Variants in STXBP4 observed in about 807,000 individuals in gnomAD.
STXBP4 encodes the protein syntaxin binding protein 4.
A neutral mutation model predicts 76.1 loss-of-function variants in STXBP4; 55 were observed. The ratio of observed to expected loss-of-function variants is 0.72; its 90% CI spans 0.58 to 0.91. The LOEUF (loss-of-function observed/expected upper bound fraction) is 0.91, where lower values mean the gene tolerates loss of function less well. Ranked by LOEUF, STXBP4 falls within the 40% of genes least tolerant of loss-of-function variation. STXBP4 has a pLI of 0.00. For missense variants in STXBP4, 618 were observed against 636.9 expected (o/e 0.97, Z 0.32); for synonymous variants, 201 against 220.2 (o/e 0.91, Z 0.77).
At chr17:54,980,781 C>T (rs909087373) in intron 1 of STXBP4, among the ~76,000 whole-genome samples, 1 of 152,242 alleles carries the variant, frequency 6.6e-6, no homozygotes, top group Non-Finnish European at 1.5e-5. Flanking sequence ...ACCCTATTCT[C>T]CTGCCTCACA....
chr17:55,080,746 C>G (rs537491841), intron 15 of STXBP4, among the ~76,000 whole-genome samples: 105 of 151,946 alleles, frequency 6.9e-4, no homozygotes, highest in African/African-American at 2.4e-3. Context: ...ATCATGTTAG[C>G]AAAAGAGAAG....
chr17:55,106,063 G>A (rs2079631094), intron 16 of STXBP4, among the ~76,000 whole-genome samples: 1 of 152,106 alleles, frequency 6.6e-6, no homozygotes, highest in African/African-American at 2.4e-5. Context: ...GGATGTTAAA[G>A]TCTCCCACTG....
intron 10 of STXBP4, among the ~76,000 whole-genome samples, chr17:55,040,781 C>T (rs1396440600): frequency 1.3e-5 from 2 of 152,120 alleles, no homozygotes; most frequent in African/African-American, 4.8e-5. Context: ...GAGAACCAGA[C>T]AGGAAACAGA....
At chr17:55,142,123 C>T (rs34502259) in intron 17 of STXBP4, among the ~76,000 whole-genome samples, 2 of 152,194 alleles carry the variant, frequency 1.3e-5, no homozygotes, top group African/African-American at 2.4e-5. Flanking sequence ...ACTATCTGCA[C>T]TAGACTGTCA....
chr17:55,156,389 T>C (rs1191626203), intron 17 of STXBP4, among the ~76,000 whole-genome samples: 1 of 152,298 alleles, frequency 6.6e-6, no homozygotes, highest in East Asian at 1.9e-4. Flanking sequence ...CAAAGCTCTT[T>C]AGCCACAGTG....
At chr17:55,012,427 A>C (rs2078132074) in intron 8 of STXBP4, among the ~76,000 whole-genome samples, 1 of 152,074 alleles carries the variant, frequency 6.6e-6, no homozygotes, top group Admixed American at 6.6e-5. Context: ...TCTGCTTGGC[A>C]GTTCCCTTCT....
At chr17:55,196,235 A>G in the STXBP4 span, among the ~76,000 whole-genome samples, 7 of 152,030 alleles carry the variant, frequency 4.6e-5, no homozygotes, top group African/African-American at 1.5e-4. Flanking sequence ...CTCCCCTGCA[A>G]TGGCTCTCCA....
intron 4 of STXBP4, among the ~76,000 whole-genome samples, chr17:54,995,802 T>C (rs989192930): frequency 6.6e-6 from 1 of 152,234 alleles, no homozygotes; most frequent in Non-Finnish European, 1.5e-5. Flanking sequence ...AGTGTCACTC[T>C]CTTTATTCCT....
intron 11 of STXBP4, among the ~76,000 whole-genome samples, chr17:55,045,748 A>G (rs1567735904): frequency 6.6e-6 from 1 of 152,084 alleles, no homozygotes; most frequent in South Asian, 2.1e-4. Context: ...TTCCAGATAA[A>G]ACAAATTTTA....
At chr17:55,118,117 T>C (rs244352) in intron 16 of STXBP4, among the ~76,000 whole-genome samples, 98,656 of 151,760 alleles carry the variant, frequency 0.65, 33,162 homozygotes, top group African/African-American at 0.83. Context: ...GAAACAGACA[T>C]GATCCCTACC....
chr17:55,085,102 A>G (rs77957268), intron 16 of STXBP4, among the ~76,000 whole-genome samples: 1 of 152,086 alleles, frequency 6.6e-6, no homozygotes, highest in Non-Finnish European at 1.5e-5. Flanking sequence ...GTAAACTATC[A>G]CAAGAACAAA....
At chr17:55,102,110 T>C (rs971252348) in intron 16 of STXBP4, among the ~76,000 whole-genome samples, 1 of 152,126 alleles carries the variant, frequency 6.6e-6, no homozygotes, top group Non-Finnish European at 1.5e-5. Context: ...ATCTCGTTAC[T>C]AGCAATTTGT....
At chr17:55,089,232 A>G (rs1567756552) in intron 16 of STXBP4, among the ~76,000 whole-genome samples, 1 of 152,158 alleles carries the variant, frequency 6.6e-6, no homozygotes, top group East Asian at 1.9e-4. Flanking sequence ...TGCCATGACT[A>G]CTGCTGGTGC....
At chr17:55,067,360 A>G (rs990327328) in intron 12 of STXBP4, among the ~76,000 whole-genome samples, 11 of 152,210 alleles carry the variant, frequency 7.2e-5, no homozygotes, top group African/African-American at 2.7e-4. Flanking sequence ...AAAAACAGAT[A>G]AGGTGAAATC....
intron 1 of STXBP4, among the ~76,000 whole-genome samples, chr17:54,977,719 T>C (rs1313979834): frequency 2.0e-5 from 3 of 152,226 alleles, no homozygotes; most frequent in Non-Finnish European, 4.4e-5. Flanking sequence ...CTTAGGATTA[T>C]ATAAATAGCT....
At chr17:55,060,171 A>G (rs1192219877) in intron 12 of STXBP4, among the ~76,000 whole-genome samples, 1 of 152,130 alleles carries the variant, frequency 6.6e-6, no homozygotes, top group African/African-American at 2.4e-5. Flanking sequence ...CAACCCTGAA[A>G]GTGTCCAATT....
chr17:55,042,403 TATTA>T (rs147054395), intron 10 of STXBP4, among the ~76,000 whole-genome samples: 3,259 of 152,258 alleles, frequency 0.021, 130 homozygotes, highest in African/African-American at 0.074. Context: ...TGGTTGATAT[TATTA>T]ATTGTTTTTA....
chr17:55,042,439 T>C (rs1459399620), intron 10 of STXBP4, among the ~76,000 whole-genome samples: 2 of 152,140 alleles, frequency 1.3e-5, no homozygotes, highest in African/African-American at 4.8e-5. Flanking sequence ...CTACTCCACA[T>C]TTGCCTTACC....
chr17:55,128,957 G>A (rs1392286646), intron 16 of STXBP4, among the ~76,000 whole-genome samples: 2 of 118,404 alleles, frequency 1.7e-5, no homozygotes, highest in East Asian at 4.9e-4. Context: ...TTGAGACAGA[G>A]CCTCGCTTCC....
Sources: gnomAD v4.1 joint callset for allele counts (sites outside exome capture counted in the v4.1 genomes callset) on GRCh38, gnomAD v4.1.1 for gene constraint, MANE v1.5 for transcripts, NCBI Gene and HGNC (gene_info 2026-07-23, HGNC 2026-07-21) for gene names.